Variants in ATF1 observed in about 807,000 individuals in gnomAD.
ATF1 encodes the protein activating transcription factor 1.
ATF1 carries 16 observed loss-of-function variants against 34.7 expected under a neutral mutation model. The ratio of observed to expected loss-of-function variants is 0.46; its 90% CI spans 0.31 to 0.70. ATF1 has a LOEUF of 0.70. ATF1 is among the 30% of genes least tolerant of loss of function. The probability of loss-of-function intolerance (pLI) is 0.05; values close to 1 mark genes in which losing one functional copy is unlikely to be tolerated. For missense variants in ATF1, 255 were observed against 321.6 expected (o/e 0.79, Z 1.58); for synonymous variants, 105 against 113.1 (o/e 0.93, Z 0.46).
At chr12:50,775,106 G>GTT (rs994672466) in intron 1 of ATF1, among the ~76,000 whole-genome samples, 1 of 142,180 alleles carries the variant, frequency 7.0e-6, no homozygotes. Flanking sequence ...GTTATCTTTT[G>GTT]TTTTTTTTTT....
chr12:50,782,381 G>A (rs1302688758), intron 2 of ATF1, among the ~76,000 whole-genome samples: 3 of 151,426 alleles, frequency 2.0e-5, no homozygotes, highest in Non-Finnish European at 4.4e-5. Flanking sequence ...TCAGCCTCCC[G>A]AGTAGCTGGG....
intron 2 of ATF1, among the ~76,000 whole-genome samples, chr12:50,792,779 T>A (rs1941332571): frequency 6.6e-6 from 1 of 151,760 alleles, no homozygotes; most frequent in Admixed American, 6.6e-5. Context: ...TTTTTTTTTT[T>A]AAAGGGAAAG....
intron 6 of ATF1, among the ~76,000 whole-genome samples, chr12:50,818,788 T>TAGAG (rs1296870850): frequency 1.3e-5 from 2 of 152,152 alleles, no homozygotes; most frequent in African/African-American, 4.8e-5. Flanking sequence ...GTATTTTTAG[T>TAGAG]AGAGATGAGG....
At position 50,802,784 on chromosome 12, in the gene ATF1, T is replaced by G. The variant is rs1592193434; in HGVS notation, c.195-6672T>G. Among the ~76,000 whole-genome samples the G allele has an allele frequency of 3.0e-5, 4 of 133,606 alleles. No individual in the cohort carries two copies. The South Asian group carries it at 9.6e-4, about 32-fold the overall frequency. 87.7% of individuals were successfully genotyped at this position (133,606 alleles called of 152,430 possible). A position where few individuals can be genotyped will look rare whatever the true frequency, so the allele number is the denominator to read the frequency against. ...CTACTCGGGAGGCTGAGGCAGAAGA[T>G]TCACTTGAACCCAGAAGGCAGAGTT... On this transcript the variant is annotated intron_variant, in intron 3 of 6. Coordinates refer to ENST00000262053, the MANE Select transcript of ATF1 (RefSeq NM_005171.5).
chr12:50,768,491 C>T (rs987062836), intron 1 of ATF1, among the ~76,000 whole-genome samples: 24 of 152,328 alleles, frequency 1.6e-4, no homozygotes, highest in African/African-American at 5.5e-4. Context: ...AGACCCCTTT[C>T]GTGGCCCTGT....
intron 1 of ATF1, among the ~76,000 whole-genome samples, chr12:50,778,646 G>C (rs1254306522): frequency 6.6e-6 from 1 of 151,218 alleles, no homozygotes; most frequent in Non-Finnish European, 1.5e-5. Context: ...CTGGAGTGCA[G>C]TGGCACAATC....
At chr12:50,779,476 G>A (rs375660398) in intron 1 of ATF1, among the ~76,000 whole-genome samples, 7 of 150,610 alleles carry the variant, frequency 4.6e-5, no homozygotes, top group African/African-American at 1.7e-4. Flanking sequence ...GTGATATTTC[G>A]TTGTAGTTTT....
intron 1 of ATF1, among the ~76,000 whole-genome samples, chr12:50,765,686 C>T (rs1343551541): frequency 6.6e-6 from 1 of 152,160 alleles, no homozygotes; most frequent in Non-Finnish European, 1.5e-5. Flanking sequence ...GCACAAAATA[C>T]AGGTCATGAA....
intron 1 of ATF1, among the ~76,000 whole-genome samples, chr12:50,768,610 A>G (rs550735573): frequency 6.6e-6 from 1 of 152,230 alleles, no homozygotes; most frequent in African/African-American, 2.4e-5. Flanking sequence ...CTTTCTGTGT[A>G]GCTATATAGG....
intron 6 of ATF1, among the ~76,000 whole-genome samples, chr12:50,817,870 AGT>A (rs746709180): frequency 9.3e-4 from 142 of 152,348 alleles, no homozygotes; most frequent in South Asian, 3.9e-3. Context: ...ATGTTAAAGC[AGT>A]GAGGTTCGCT....
At chr12:50,763,533 T>C (rs1940541456), upstream of ATF1, among the ~76,000 whole-genome samples, 1 of 149,292 alleles carries the variant, frequency 6.7e-6, no homozygotes, top group African/African-American at 2.5e-5. Context: ...GAGAATCGCT[T>C]GAATCCCGGG....
chr12:50,816,818 C>T (rs1941852498), intron 6 of ATF1, among the ~76,000 whole-genome samples: 1 of 151,848 alleles, frequency 6.6e-6, no homozygotes, highest in African/African-American at 2.4e-5. Flanking sequence ...ATGATCACGC[C>T]ATTGTACTTC....
intron 2 of ATF1, among the ~76,000 whole-genome samples, chr12:50,784,893 ATTT>A (rs1941148874): frequency 6.7e-6 from 1 of 150,164 alleles, no homozygotes; most frequent in African/African-American, 2.4e-5. Flanking sequence ...TTATTTATTT[ATTT>A]ATTATTTATT....
chr12:50,819,993 T>TAAAC lies in ATF1; in HGVS notation c.*216_*219dup, dbSNP rs1422663381. On this transcript the variant is annotated 3_prime_UTR_variant, in exon 7 of 7. Transcript: ENST00000262053. ...GCACAACTGGAAGCTTTGTAGAAAT[T>TAAAC]AAACATATTCAAGGAGCAAGAAATG... 1 of 377,374 alleles carries TAAAC rather than the reference T, an allele frequency of 2.6e-6. No individual in the cohort carries two copies. The highest frequency in any genetic ancestry group is 4.7e-6 in the Non-Finnish European group (1 of 212,796). 23.4% of individuals were successfully genotyped at this position (377,374 alleles called of 1,614,324 possible). A position where few individuals can be genotyped will look rare whatever the true frequency, so the allele number is the denominator to read the frequency against.
intron 6 of ATF1, among the ~76,000 whole-genome samples, chr12:50,814,666 G>T (rs1384059191): frequency 6.6e-6 from 1 of 152,134 alleles, no homozygotes; most frequent in Admixed American, 6.5e-5. Flanking sequence ...GGCAATGCTG[G>T]TATAAACAAA....
At chr12:50,768,612 C>CTA (rs1210486170) in intron 1 of ATF1, among the ~76,000 whole-genome samples, 3 of 152,090 alleles carry the variant, frequency 2.0e-5, no homozygotes, top group African/African-American at 7.2e-5. Flanking sequence ...TTCTGTGTAG[C>CTA]TATATAGGTG....
chr12:50,764,861 G>A (rs887849336), intron 1 of ATF1, among the ~76,000 whole-genome samples: 3 of 152,248 alleles, frequency 2.0e-5, no homozygotes, highest in African/African-American at 7.2e-5. Context: ...AGACAGTCCT[G>A]GAGAGATGCG....
intron 3 of ATF1, among the ~76,000 whole-genome samples, chr12:50,808,771 ACT>A (rs35838848): frequency 0.26 from 38,795 of 149,136 alleles, 5,485 homozygotes; most frequent in Non-Finnish European, 0.32. Context: ...GCAGACTCTC[ACT>A]CTGTCGCCCA....
At chr12:50,816,813 C>T (rs565083740) in intron 6 of ATF1, among the ~76,000 whole-genome samples, 2 of 152,094 alleles carry the variant, frequency 1.3e-5, no homozygotes, top group Admixed American at 6.5e-5. Flanking sequence ...GAGCCATGAT[C>T]ACGCCATTGT....
Sources: gnomAD v4.1 joint callset for allele counts (sites outside exome capture counted in the v4.1 genomes callset) on GRCh38, gnomAD v4.1.1 for gene constraint, MANE v1.5 for transcripts, NCBI Gene and HGNC (gene_info 2026-07-23, HGNC 2026-07-21) for gene names.